Variants in COX7C observed in about 807,000 individuals in gnomAD.
COX7C encodes the protein cytochrome c oxidase subunit 7C, also known as cytochrome c oxidase subunit 7C, mitochondrial.
COX7C carries 1 observed loss-of-function variant against 6.4 expected under a neutral mutation model. That is an observed-to-expected ratio of 0.16 (90% CI 0.06 to 0.74). COX7C has a LOEUF of 0.74. Among genes scored for constraint, COX7C ranks in the 30% least tolerant of loss-of-function variants. The probability of loss-of-function intolerance (pLI) is 0.78; values close to 1 mark genes in which losing one functional copy is unlikely to be tolerated. For missense variants in COX7C, 54 were observed against 73.7 expected, an observed-to-expected ratio of 0.73 and a Z score of 0.98; for synonymous variants, 24 against 28.9, an observed-to-expected ratio of 0.83 and a Z score of 0.54.
chr5:86,618,002 G>C lies in COX7C; in HGVS notation c.-54G>C. The stretch of plus-strand genomic sequence containing the variant: ...AAAAAAAAGGTCTTGGTGAGGTGCC[G>C]CCATTTCATCTGTCCTCATTCTCTG... On this transcript the variant is annotated 5_prime_UTR_variant, in exon 1 of 3. Transcript: ENST00000247655. 6 of 1,564,594 alleles carry C rather than the reference G, an allele frequency of 3.8e-6. No homozygotes were observed. Among genetic ancestry groups the C allele is most frequent in the Non-Finnish European group, 5.3e-6 (6 of 1,137,504 alleles).
In COX7C at chr5:86,618,144, G is replaced by C. The variant is rs200378334; in HGVS notation, c.75+14G>C. On this transcript the variant is annotated intron_variant, in intron 1 of 2. Coordinates refer to ENST00000247655, the MANE Select transcript of COX7C (RefSeq NM_001867.3). ...GGCCCTGGGAAGGTTAGTGTGTAAG[G>C]GGCACGGCTTCGTTGGGGGAGGGGG... 28 of 1,613,758 alleles carry C rather than the reference G, an allele frequency of 1.7e-5. No individual in the cohort carries two copies. The East Asian group carries it at 6.0e-4, about 35-fold the overall frequency.
intron 1 of COX7C, 70 bp downstream of exon 1, chr5:86,618,200 C>A: frequency 7.0e-7 from 1 of 1,426,370 alleles, no homozygotes; most frequent in Non-Finnish European, 9.9e-7. Context: ...ACCTGCAAGG[C>A]CGCCTCCGGG....
At position 86,617,960 on chromosome 5, in the gene COX7C, C is replaced by G; in HGVS notation, c.-96C>G. 1.7e-6 allele frequency: 2 copies of G among 1,149,770 alleles called. No homozygotes were observed. Among genetic ancestry groups the G allele is most frequent in the African/African-American group, 3.1e-5 (2 of 65,410 alleles). The allele number at this position is 1,149,770 out of a possible 1,614,324, so 71.2% of individuals were successfully genotyped here. A position where few individuals can be genotyped will look rare whatever the true frequency, so the allele number is the denominator to read the frequency against. ...ATCTTTCTTTTCAGTCCTTGCGCACCGGGGAACAAGGTCGTGAAAAAAAAG... is the reference window on the plus strand; with the variant it reads ...ATCTTTCTTTTCAGTCCTTGCGCACGGGGGAACAAGGTCGTGAAAAAAAAG... On this transcript the variant is annotated 5_prime_UTR_variant, in exon 1 of 3. Transcript: ENST00000247655.
At chr5:86,618,394 CCT>C (rs1750046718) in intron 1 of COX7C, 1 of 468,878 alleles carries the variant, frequency 2.1e-6, no homozygotes, top group Non-Finnish European at 3.9e-6. Context: ...CGCAGAAAGC[CCT>C]GAGATGGCTC....
intron 2 of COX7C, chr5:86,619,926 C>T (rs775045909): frequency 6.4e-6 from 1 of 155,370 alleles, no homozygotes; most frequent in African/African-American, 2.4e-5. Flanking sequence ...AACACTGTTA[C>T]TAGAACAGTA....
chr5:86,618,324 T>C, intron 1 of COX7C, 194 bp downstream of exon 1: 1 of 578,404 alleles, frequency 1.7e-6, no homozygotes, highest in Non-Finnish European at 3.1e-6. Flanking sequence ...GCTAAAGGAA[T>C]GGGCAGGTAG....
intron 1 of COX7C, chr5:86,618,348 G>C: frequency 5.7e-6 from 3 of 524,072 alleles, no homozygotes; most frequent in Middle Eastern, 4.7e-4. Context: ...CGGAAGCCCT[G>C]CCTCCATCAG....
Position 86,618,088 on chromosome 5 carries a change from C to G in COX7C, c.33C>G (p.Thr11=), listed in dbSNP as rs563957180. 12 of 1,614,084 alleles carry G rather than the reference C, an allele frequency of 7.4e-6. No homozygotes were observed. The South Asian group carries it at 1.2e-4, about 16-fold the overall frequency. The part of the protein sequence containing the change: MLGQSIRRFT[T]SVVRRSHYEE... Reference sequence around the variant, plus strand: ...GCCAGAGCATCCGGAGGTTCACAACCTCTGTGGTCCGTAGGAGCCACTATG... The same window carrying G: ...GCCAGAGCATCCGGAGGTTCACAACGTCTGTGGTCCGTAGGAGCCACTATG... The change falls in exon 1 of 3, where the codon ACC becomes ACG. Residue 11 remains threonine (T), a synonymous_variant. Coordinates refer to ENST00000247655, the MANE Select transcript of COX7C (RefSeq NM_001867.3).
At position 86,620,677 on chromosome 5, in the gene COX7C, G is replaced by A. The variant is rs1408073880; in HGVS notation, c.*37G>A. On this transcript the variant is annotated 3_prime_UTR_variant, in exon 3 of 3. Transcript: ENST00000247655. Reference sequence around the variant, plus strand: ...TGTTTTTATTTTGCAGATATGAAGAGCATTTTAAGAGGTGCAGCCTCTGGA... The same window carrying A: ...TGTTTTTATTTTGCAGATATGAAGAACATTTTAAGAGGTGCAGCCTCTGGA... 5 of 433,410 alleles carry A rather than the reference G, an allele frequency of 1.2e-5. No individual in the cohort carries two copies. The highest frequency in any genetic ancestry group is 4.0e-5 in the African/African-American group (2 of 49,520). 26.8% of individuals were successfully genotyped at this position (433,410 alleles called of 1,614,324 possible).
At position 86,618,124 on chromosome 5, in the gene COX7C, TG is replaced by T. The variant is rs1750036223; in HGVS notation, c.72del (p.Lys25ArgfsTer14). Reference protein sequence around the residue: ...VRRSHYEEGPGKNLPFSVENK... With the variant: ...VRRSHYEEGPXKNLPFSVENK... ...GTAGGAGCCACTATGAGGAGGGCCC[TG>T]GGAAGGTTAGTGTGTAAGGGGCACG... is the stretch of plus-strand genomic sequence containing the variant. On this transcript the variant is annotated frameshift_variant, in exon 1 of 3. Coordinates refer to ENST00000247655, the MANE Select transcript of COX7C (RefSeq NM_001867.3). LOFTEE classifies it high-confidence loss of function. 1 of 1,613,860 alleles carries T rather than the reference TG, an allele frequency of 6.2e-7. No individual in the cohort carries two copies. Among genetic ancestry groups the T allele is most frequent in the Non-Finnish European group, 8.5e-7 (1 of 1,179,972 alleles).
rs1027020516 is a variant in COX7C at position 86,620,851 on chromosome 5, T to C, written c.*211T>C. ...TATTTGGGTAACATTCCAGTATTAC[T>C]CTCTGTGATTTAGCTTATTTAATGG... On this transcript the variant is annotated 3_prime_UTR_variant, in exon 3 of 3. Transcript: ENST00000247655. The C allele has an allele frequency of 3.1e-5, 6 of 193,296 alleles. No homozygotes were observed. Among genetic ancestry groups the C allele is most frequent in the Non-Finnish European group, 6.8e-5 (6 of 88,048 alleles). The allele number at this position is 193,296 out of a possible 1,614,324, so 12.0% of individuals were successfully genotyped here. A position where few individuals can be genotyped will look rare whatever the true frequency, so the allele number is the denominator to read the frequency against.
chr5:86,618,374 T>C (rs1013147046), intron 1 of COX7C: 37 of 460,360 alleles, frequency 8.0e-5, no homozygotes, highest in Non-Finnish European at 8.8e-5. Context: ...TGACGCCCCC[T>C]CCCCCGCCCC....
At chr5:86,620,555 C>T (rs1014651846) in intron 2 of COX7C, 113 bp from the exon 3 acceptor site, 3 of 341,508 alleles carry the variant, frequency 8.8e-6, no homozygotes, top group African/African-American at 2.1e-5. Context: ...ATACTGTAAA[C>T]GCTTTCTGAT....
At chr5:86,620,462 G>A in intron 2 of COX7C, 1 of 249,080 alleles carries the variant, frequency 4.0e-6, no homozygotes. Context: ...TCATAGTTTA[G>A]AGGGGGAATA....
At position 86,619,404 on chromosome 5, in the gene COX7C, TTG is replaced by T; in HGVS notation, c.129_130del (p.Tyr44LeufsTer18). Reference protein sequence around the residue: ...NKWSLLAKMCLYFGSAFATPF... With the variant: ...NKWSLLAKMCXYFGSAFATPF... ...GTGGTCGTTACTAGCTAAGATGTGT[TTG>T]TACTTTGGATCTGCATTTGCTACAC... On this transcript the variant is annotated frameshift_variant, in exon 2 of 3. Transcript: ENST00000247655. LOFTEE classifies it high-confidence loss of function. 6.2e-7 allele frequency: 1 copy of T among 1,613,818 alleles called. No individual in the cohort carries two copies. The highest frequency in any genetic ancestry group is 8.5e-7 in the Non-Finnish European group (1 of 1,179,964).
chr5:86,620,221 G>A (rs1266543293), intron 2 of COX7C: 1 of 152,436 alleles, frequency 6.6e-6, no homozygotes, highest in Non-Finnish European at 1.5e-5. Flanking sequence ...AACACAATGG[G>A]GCATTTGGCA....
At chr5:86,618,312 C>T (rs1222555016) in intron 1 of COX7C, 182 bp downstream of exon 1, 8 of 608,386 alleles carry the variant, frequency 1.3e-5, no homozygotes, top group Admixed American at 8.9e-5. Flanking sequence ...TAGCGCGTAG[C>T]CGCTAAAGGA....
At chr5:86,619,955 A>T (rs908072759) in intron 2 of COX7C, 1 of 153,866 alleles carries the variant, frequency 6.5e-6, no homozygotes, top group Non-Finnish European at 1.4e-5. Context: ...TGTGTCTTTT[A>T]AAACACTATA....
At chr5:86,619,518 A>T in intron 2 of COX7C, 22 bp downstream of exon 2, 1 of 1,232,608 alleles carries the variant, frequency 8.1e-7, no homozygotes, top group Non-Finnish European at 1.2e-6. Flanking sequence ...ATTTCTAATC[A>T]TGTTAAAGCA....
Sources: allele counts gnomAD v4.1 joint callset, GRCh38; gene constraint gnomAD v4.1.1; transcripts MANE v1.5; gene names NCBI Gene and HGNC (gene_info 2026-07-23, HGNC 2026-07-21).